ENG: variants seen among roughly 807,000 people sequenced by gnomAD.
The protein encoded by ENG is CD105 antigen.
A neutral mutation model predicts 71.0 loss-of-function variants in ENG; 17 were observed. That is an observed-to-expected ratio of 0.24 (90% CI 0.16 to 0.36). The LOEUF is 0.36. Ranked by LOEUF, ENG falls within the 10% of genes least tolerant of loss-of-function variation. The pLI, the probability that ENG is intolerant of heterozygous loss-of-function variation, is 1.00. For missense variants in ENG, 749 were observed against 868.3 expected (o/e 0.86, Z 1.73); for synonymous variants, 360 against 366.9 (o/e 0.98, Z 0.21).
intron 3 of ENG, among the ~76,000 whole-genome samples, chr9:127,829,058 A>T (rs1830696838): frequency 6.6e-6 from 1 of 152,184 alleles, no homozygotes; most frequent in Non-Finnish European, 1.5e-5. Context: ...TCTGGTGGAT[A>T]TAGCTAACAC....
chr9:127,818,005 G>A (rs1830371007), intron 12 of ENG, 115 bp downstream of exon 12: 2 of 1,553,548 alleles, frequency 1.3e-6, no homozygotes, highest in East Asian at 2.3e-5. Flanking sequence ...GCCTGATTAA[G>A]GCTCCGCCCC....
At chr9:127,849,678 C>G (rs1023762123) in intron 1 of ENG, among the ~76,000 whole-genome samples, 1 of 152,068 alleles carries the variant, frequency 6.6e-6, no homozygotes, top group African/African-American at 2.4e-5. Context: ...ATGGGAGGGC[C>G]GTTATGGGGA....
intron 2 of ENG, among the ~76,000 whole-genome samples, chr9:127,833,696 G>T (rs1830825457): frequency 6.6e-6 from 1 of 152,136 alleles, no homozygotes; most frequent in South Asian, 2.1e-4. Flanking sequence ...TGAAAAAGGG[G>T]AAGGCTATTT....
Position 127,826,953 on chromosome 9 carries a change from C to T in ENG, c.361-281G>A, listed in dbSNP as rs114789503. ...CCCTCCAGAGCTGTTCTCATTCAAC[C>T]CACATCTACGCCATCCTGCGGCTGT... On this transcript the variant is annotated intron_variant, in intron 3 of 14. Coordinates refer to ENST00000373203, the MANE Select transcript of ENG (RefSeq NM_001114753.3). 3.3e-4 allele frequency: 154 copies of T among 465,272 alleles called. 1 individual carries two copies. Among genetic ancestry groups the T allele is most frequent in the African/African-American group, 2.7e-3 (136 of 50,774 alleles). The allele number at this position is 465,272 out of a possible 1,614,324, so 28.8% of individuals were successfully genotyped here.
At chr9:127,828,850 T>G (rs1437884736) in intron 3 of ENG, among the ~76,000 whole-genome samples, 3 of 152,072 alleles carry the variant, frequency 2.0e-5, no homozygotes, top group Non-Finnish European at 4.4e-5. Context: ...TTTCTATGCC[T>G]CTCTCCCCTT....
At chr9:127,816,392 T>A (rs1351692534) in intron 13 of ENG, 2 of 419,220 alleles carry the variant, frequency 4.8e-6, no homozygotes, top group South Asian at 4.2e-5. Context: ...ACCTGCTGCA[T>A]GACCTTGGGT....
At chr9:127,837,031 ACC>A (rs1830917766) in intron 2 of ENG, among the ~76,000 whole-genome samples, 1 of 151,940 alleles carries the variant, frequency 6.6e-6, no homozygotes, top group African/African-American at 2.4e-5. Context: ...CAAATGATCC[ACC>A]CACTTCGGCC....
intron 5 of ENG, 112 bp downstream of exon 5, chr9:127,825,582 TG>T: frequency 8.7e-7 from 1 of 1,152,662 alleles, no homozygotes; most frequent in Non-Finnish European, 1.2e-6. Flanking sequence ...GCGGCGGGGC[TG>T]GGGCTGGGAC....
chr9:127,818,110 C>T lies in ENG; in HGVS notation c.1686+10G>A, dbSNP rs1830373816. Reference sequence around the variant, plus strand: ...CACTTGAAGCTGGGGCCGGCCCAGGCCCCACTCACCTGGTCTTGAGACCCG... The same window carrying T: ...CACTTGAAGCTGGGGCCGGCCCAGGTCCCACTCACCTGGTCTTGAGACCCG... On this transcript the variant is annotated intron_variant, in intron 12 of 14. Transcript: ENST00000373203. 3 of 1,613,924 alleles carry T rather than the reference C, an allele frequency of 1.9e-6. No homozygotes were observed. Among genetic ancestry groups the T allele is most frequent in the Non-Finnish European group, 8.5e-7 (1 of 1,180,006 alleles).
rs1830600061 is a variant in ENG, at chr9:127,825,784, A to C, written c.600T>G (p.Thr200=). Residue 200 remains threonine (T), a synonymous_variant, in exon 5 of 15, where the codon ACT becomes ACG. Coordinates refer to ENST00000373203, the MANE Select transcript of ENG (RefSeq NM_001114753.3). The part of the protein sequence containing the change: ...MGRTLEWRPR[T]PALVRGCHLE... ...AGTGGCAGCCCCGGACCAAGGCTGG[A>C]GTACGCGGCCGCCACTCGAGCGTGC... is the stretch of plus-strand genomic sequence containing the variant. 1 of 1,595,290 alleles carries C rather than the reference A, an allele frequency of 6.3e-7. No homozygotes were observed. The highest frequency in any genetic ancestry group is 8.5e-7 in the Non-Finnish European group (1 of 1,172,436).
chr9:127,842,705 G>A (rs1405627641), intron 2 of ENG, among the ~76,000 whole-genome samples: 1 of 152,194 alleles, frequency 6.6e-6, no homozygotes, highest in Non-Finnish European at 1.5e-5. Context: ...TTACAGGCGT[G>A]AGCCACTGTG....
chr9:127,833,650 G>A (rs181411077), intron 2 of ENG, among the ~76,000 whole-genome samples: 1 of 152,058 alleles, frequency 6.6e-6, no homozygotes, highest in Admixed American at 6.6e-5. Flanking sequence ...AAAGCTGCCA[G>A]TCTAAAAGAT....
rs143342145 is a variant in ENG at position 127,834,269 on chromosome 9, G to C, written c.220-4442C>G. 2.5e-3 allele frequency among the ~76,000 whole-genome samples: 373 copies of C among 151,442 alleles called. 1 individual carries two copies. The highest frequency in any genetic ancestry group is 8.8e-3 in the African/African-American group (363 of 41,224). ...TGTATATATATATTTTTGAGATGGA[G>C]TCTTGCTCTGTCGCCTAGGCTAGAG... On this transcript the variant is annotated intron_variant, in intron 2 of 14. Transcript: ENST00000373203.
rs1588604597 is a variant in ENG at position 127,854,348 on chromosome 9, C to T, written c.8G>A (p.Arg3His). 7 of 1,591,192 alleles carry T rather than the reference C, an allele frequency of 4.4e-6. No homozygotes were observed. The highest frequency in any genetic ancestry group is 1.7e-4 in the Middle Eastern group (1 of 6,014). MD[R>H]GTLPLAVALL... Reference sequence around the variant, plus strand: ...GGCAACAGCCAGAGGGAGCGTGCCGCGGTCCATGCTGTCCACGTGGGGGCC... The same window carrying T: ...GGCAACAGCCAGAGGGAGCGTGCCGTGGTCCATGCTGTCCACGTGGGGGCC... Residue 3 changes from arginine (R) to histidine (H), a missense_variant, in exon 1 of 15, where the codon CGC becomes CAC. Transcript: ENST00000373203.
At position 127,847,638 on chromosome 9, in the gene ENG, C is replaced by T. The variant is rs41510544; in HGVS notation, c.68-4393G>A. Among the ~76,000 whole-genome samples, 1,518 of 152,134 alleles carry T rather than the reference C, an allele frequency of 1.0e-2. 22 individuals carry two copies. The highest frequency in any genetic ancestry group is 0.031 in the African/African-American group (1,294 of 41,494). On this transcript the variant is annotated intron_variant, in intron 1 of 14. Coordinates refer to ENST00000373203, the MANE Select transcript of ENG (RefSeq NM_001114753.3). ...CTAATTTTTGTATTTTTTGTAGAGA[C>T]GGGGTTTCGCCGTATTGCGCAGGCT...
In ENG at chr9:127,840,431, A is replaced by G. The variant is rs544384209; in HGVS notation, c.219+2663T>C. 2.0e-5 allele frequency among the ~76,000 whole-genome samples: 3 copies of G among 152,356 alleles called. No individual in the cohort carries two copies. The South Asian group carries it at 6.2e-4, about 32-fold the overall frequency. On this transcript the variant is annotated intron_variant, in intron 2 of 14. Coordinates refer to ENST00000373203, the MANE Select transcript of ENG (RefSeq NM_001114753.3). ...TCCAACATGGTGAAACCCTGTCTCTACTAAAAATACAAAAATTAGCTGGGC... is the reference window on the plus strand; with the variant it reads ...TCCAACATGGTGAAACCCTGTCTCTGCTAAAAATACAAAAATTAGCTGGGC...
chr9:127,832,953 C>T lies in ENG; in HGVS notation c.220-3126G>A, dbSNP rs575398603. On this transcript the variant is annotated intron_variant, in intron 2 of 14. Transcript: ENST00000373203. The stretch of plus-strand genomic sequence containing the variant: ...TGTATTTTTAGTAAAGATGGGGTTT[C>T]GCCATGTTGGCCAGGATGGGCTCAA... Among the ~76,000 whole-genome samples, 18 of 152,162 alleles carry T rather than the reference C, an allele frequency of 1.2e-4. No homozygotes were observed. The South Asian group carries it at 1.2e-3, about 11-fold the overall frequency.
At chr9:127,820,760 C>T (rs1031314976) in intron 8 of ENG, among the ~76,000 whole-genome samples, 2 of 151,120 alleles carry the variant, frequency 1.3e-5, no homozygotes, top group South Asian at 4.2e-4. Context: ...GCCCGGGAGG[C>T]GGAGTTTGCA....
chr9:127,838,843 A>G lies in ENG; in HGVS notation c.219+4251T>C, dbSNP rs1011144026. 3.3e-5 allele frequency among the ~76,000 whole-genome samples: 5 copies of G among 152,096 alleles called. No individual in the cohort carries two copies. The highest frequency in any genetic ancestry group is 1.2e-4 in the African/African-American group (5 of 41,412). ...AGCGGGGCTGTCTGCAGACCTGCCCAGCACACGCACTGAGCGGCACTTCCC... is the reference window on the plus strand; with the variant it reads ...AGCGGGGCTGTCTGCAGACCTGCCCGGCACACGCACTGAGCGGCACTTCCC... On this transcript the variant is annotated intron_variant, in intron 2 of 14. Coordinates refer to ENST00000373203, the MANE Select transcript of ENG (RefSeq NM_001114753.3). The surrounding 1 kb of genome is among the most constrained non-coding windows in gnomAD (Gnocchi z 4.3).
Sources: allele counts gnomAD v4.1 joint callset (sites outside exome capture counted in the v4.1 genomes callset), GRCh38; gene constraint gnomAD v4.1.1; non-coding constraint Gnocchi (gnomAD v3.1); transcripts MANE v1.5; gene names NCBI Gene and HGNC (gene_info 2026-07-23, HGNC 2026-07-21).